The following KIF26B variants were observed in gnomAD, a reference collection of about 807,000 sequenced individuals.
The protein encoded by KIF26B is kinesin-like protein KIF26B.
In KIF26B, 63 loss-of-function variants were observed where a neutral mutation model predicts 151.2. The ratio of observed to expected loss-of-function variants is 0.42; its 90% confidence interval spans 0.34 to 0.51. KIF26B has a LOEUF of 0.51. KIF26B is among the 20% of genes least tolerant of loss of function. KIF26B has a pLI of 0.07. For missense variants in KIF26B, 2,813 were observed against 2,913.6 expected (o/e 0.97, Z 0.79); for synonymous variants, 1,357 against 1,262.1 (o/e 1.08, Z -1.59).
chr1:245,179,328 T>G (rs185185976), intron 2 of KIF26B, among the ~76,000 whole-genome samples: 2 of 152,274 alleles, frequency 1.3e-5, no homozygotes, highest in East Asian at 3.9e-4. Context: ...TACTATGGAT[T>G]CAAAAACAAA....
intron 9 of KIF26B, among the ~76,000 whole-genome samples, chr1:245,639,209 A>G (rs1018756482): frequency 1.3e-5 from 2 of 151,832 alleles, no homozygotes; most frequent in African/African-American, 4.8e-5. Flanking sequence ...GGTAGGTTAT[A>G]TGTTTCCAGG....
intron 4 of KIF26B, among the ~76,000 whole-genome samples, chr1:245,443,027 ATCTCCCTCACTGTTCACCTAGAGTGG>A (rs1659151707): frequency 1.4e-5 from 1 of 70,388 alleles, no homozygotes; most frequent in African/African-American, 6.2e-5. Flanking sequence ...TAGAGCGGTC[ATCTCCCTCACTGTTCACCTAGAGTGG>A]TCATCTCCCT....
In KIF26B at chr1:245,540,029, A is replaced by T. The variant is rs1207620461; in HGVS notation, c.1167-738A>T. ...ATTGGAACAGCCTATGTTATTAATGATGCCGGCAGCCTCCCCTCCCACCTT... is the reference window on the plus strand; with the variant it reads ...ATTGGAACAGCCTATGTTATTAATGTTGCCGGCAGCCTCCCCTCCCACCTT... On this transcript the variant is annotated intron_variant, in intron 4 of 14. Coordinates refer to ENST00000407071, the MANE Select transcript of KIF26B (RefSeq NM_018012.4). The surrounding 1 kb of genome is among the most constrained non-coding windows in gnomAD (Gnocchi z 4.6). 6.6e-6 allele frequency among the ~76,000 whole-genome samples: 1 copy of T among 152,140 alleles called. No homozygotes were observed. Among genetic ancestry groups the T allele is most frequent in the Non-Finnish European group, 1.5e-5 (1 of 68,016 alleles).
At chr1:245,401,392 A>G (rs558514888) in intron 3 of KIF26B, among the ~76,000 whole-genome samples, 1 of 152,338 alleles carries the variant, frequency 6.6e-6, no homozygotes, top group South Asian at 2.1e-4. Flanking sequence ...CTAGGTGTCT[A>G]TAACTGAATT....
At chr1:245,498,964 A>G (rs948512628) in intron 4 of KIF26B, among the ~76,000 whole-genome samples, 1 of 152,198 alleles carries the variant, frequency 6.6e-6, no homozygotes, top group Admixed American at 6.5e-5. Flanking sequence ...TGGGAAGAGG[A>G]AAATTGGCAA....
rs148926341 is a variant in KIF26B at position 245,345,855 on chromosome 1, G to A, written c.466-20979G>A. 2.2e-3 allele frequency among the ~76,000 whole-genome samples: 333 copies of A among 152,040 alleles called. 1 individual carries two copies. Among genetic ancestry groups the A allele is most frequent in the African/African-American group, 7.6e-3 (314 of 41,428 alleles). The stretch of plus-strand genomic sequence containing the variant: ...CAGATGCCACCATGCTTCCTGGACA[G>A]CCTGTAGAACCGTGCGCCAGTGAAA... On this transcript the variant is annotated intron_variant, in intron 2 of 14. Coordinates refer to ENST00000407071, the MANE Select transcript of KIF26B (RefSeq NM_018012.4).
At chr1:245,332,404 C>T (rs537616487) in intron 2 of KIF26B, among the ~76,000 whole-genome samples, 6 of 152,154 alleles carry the variant, frequency 3.9e-5, no homozygotes, top group Admixed American at 6.5e-5. Flanking sequence ...CATCAGTGTT[C>T]GCTCCCCAAA....
chr1:245,686,707 T>C lies in KIF26B; in HGVS notation c.3724T>C (p.Tyr1242His). Residue 1242 changes from tyrosine to histidine, a missense_variant, in exon 12 of 15, where the codon TAC becomes CAC. Tyr to His is a moderately conservative substitution (Grantham distance 83). Coordinates refer to ENST00000407071, the MANE Select transcript of KIF26B (RefSeq NM_018012.4). This position sits in a 1 kb window ranked among gnomAD's most constrained non-coding sequence, Gnocchi z 5.6. ...CAGCATCAGCGAGGACCTGGAGTGC[T>C]ACTCCAGCACGGCCCCCGTCTCCGA... Reference protein sequence around the residue: ...ISSISEDLECYSSTAPVSEVS... With the variant: ...ISSISEDLECHSSTAPVSEVS... 2 of 1,613,192 alleles carry C rather than the reference T, an allele frequency of 1.2e-6. No homozygotes were observed. Among genetic ancestry groups the C allele is most frequent in the Non-Finnish European group, 1.7e-6 (2 of 1,179,644 alleles).
At chr1:245,329,643 TC>T (rs1672060846) in intron 2 of KIF26B, among the ~76,000 whole-genome samples, 1 of 152,100 alleles carries the variant, frequency 6.6e-6, no homozygotes. Flanking sequence ...CACCATTCAC[TC>T]CCACTCTCCT....
chr1:245,399,478 G>A, intron 3 of KIF26B, among the ~76,000 whole-genome samples: 1 of 152,106 alleles, frequency 6.6e-6, no homozygotes, highest in Non-Finnish European at 1.5e-5. Context: ...TTCAAATTCC[G>A]CTGTTGTCAA....
rs115836709 is a variant in KIF26B, at chr1:245,408,305, T to C, written c.1000-11274T>C. The stretch of plus-strand genomic sequence containing the variant: ...AGCCTATTGTGCTCAGTTATTCAAA[T>C]AATCCTAATTATGATCACTCATTCA... On this transcript the variant is annotated intron_variant, in intron 3 of 14. Transcript: ENST00000407071. Among the ~76,000 whole-genome samples, 1,319 of 151,340 alleles carry C rather than the reference T, an allele frequency of 8.7e-3. 21 individuals are homozygous for C. Among genetic ancestry groups the C allele is most frequent in the African/African-American group, 0.03 (1,242 of 41,324 alleles).
intron 4 of KIF26B, among the ~76,000 whole-genome samples, chr1:245,514,422 A>G (rs10924221): frequency 0.25 from 37,996 of 151,876 alleles, 5,752 homozygotes; most frequent in East Asian, 0.5. Context: ...CCAGCTACTC[A>G]GGAGGCTGAG....
At chr1:245,225,410 G>A (rs1669853818) in intron 2 of KIF26B, among the ~76,000 whole-genome samples, 1 of 152,242 alleles carries the variant, frequency 6.6e-6, no homozygotes, top group Non-Finnish European at 1.5e-5. Flanking sequence ...TAAGTCTGCT[G>A]AGGCTGCAGA....
At chr1:245,270,260 T>A (rs1299906919) in intron 2 of KIF26B, among the ~76,000 whole-genome samples, 1 of 117,644 alleles carries the variant, frequency 8.5e-6, no homozygotes, top group Non-Finnish European at 1.9e-5. Flanking sequence ...CCCTTCCTTC[T>A]TCCTTTCCCT....
chr1:245,550,140 C>A (rs916802409), intron 5 of KIF26B, among the ~76,000 whole-genome samples: 2 of 152,190 alleles, frequency 1.3e-5, no homozygotes, highest in African/African-American at 4.8e-5. Flanking sequence ...CCAGTTCCCT[C>A]AGTCTGCGTC....
intron 4 of KIF26B, among the ~76,000 whole-genome samples, chr1:245,515,213 C>T (rs573739560): frequency 1.3e-4 from 20 of 152,140 alleles, no homozygotes; most frequent in Non-Finnish European, 2.9e-4. Context: ...CTCAGCACGA[C>T]GGGTCCTCCT....
chr1:245,327,859 TA>T (rs1672023751), intron 2 of KIF26B, among the ~76,000 whole-genome samples: 1 of 152,208 alleles, frequency 6.6e-6, no homozygotes, highest in South Asian at 2.1e-4. Flanking sequence ...ATGAAGGTAA[TA>T]TTTTCAGTGG....
chr1:245,268,507 A>C (rs1386794401), intron 2 of KIF26B, among the ~76,000 whole-genome samples: 16 of 68,410 alleles, frequency 2.3e-4, no homozygotes, highest in African/African-American at 7.4e-4. Flanking sequence ...TAATAATAAT[A>C]ATAATAATAA....
At chr1:245,204,378 CTT>C (rs11350122) in intron 2 of KIF26B, among the ~76,000 whole-genome samples, 67 of 146,450 alleles carry the variant, frequency 4.6e-4, no homozygotes, top group Non-Finnish European at 4.5e-4. Context: ...TAAGATCTCT[CTT>C]TTTTTTTTTT....
Sources: allele counts gnomAD v4.1 joint callset (sites outside exome capture counted in the v4.1 genomes callset), GRCh38; gene constraint gnomAD v4.1.1; non-coding constraint Gnocchi (gnomAD v3.1); transcripts MANE v1.5; gene names NCBI Gene and HGNC (gene_info 2026-07-23, HGNC 2026-07-21).